Variants in C13orf46 observed in about 807,000 individuals in gnomAD.
The protein encoded by C13orf46 is chromosome 13 open reading frame 46, also known as uncharacterized protein C13orf46.
At chr13:113,948,006 G>C in the C13orf46 span, among the ~76,000 whole-genome samples, 1 of 152,254 alleles carries the variant, frequency 6.6e-6, no homozygotes, top group African/African-American at 2.4e-5. Context: ...GCCCATCGGG[G>C]CCATGGAGCG....
chr13:113,935,507 C>G, the C13orf46 span, among the ~76,000 whole-genome samples: 1 of 152,256 alleles, frequency 6.6e-6, no homozygotes, highest in Middle Eastern at 3.2e-3. Context: ...TTCTACCAAC[C>G]CTGGCTTTTG....
the C13orf46 span, chr13:113,928,564 C>CTCGGGA: frequency 0.21 from 32,804 of 152,636 alleles, 4,102 homozygotes; most frequent in African/African-American, 0.34. Flanking sequence ...CACACCCCAC[C>CTCGGGA]CTCGCTGCAT....
At chr13:113,945,745 C>T in the C13orf46 span, among the ~76,000 whole-genome samples, 271 of 152,304 alleles carry the variant, frequency 1.8e-3, 3 homozygotes, top group Admixed American at 0.015. Flanking sequence ...CTCTAGTAAA[C>T]GAAAATGTAG....
the C13orf46 span, among the ~76,000 whole-genome samples, chr13:113,940,303 C>T: frequency 1.1e-4 from 17 of 152,394 alleles, no homozygotes; most frequent in Middle Eastern, 3.4e-3. Context: ...GCCCCCCACC[C>T]CCAGATGAGC....
chr13:113,965,557 A>G (rs2052626993), intron 5 of C13orf46, among the ~76,000 whole-genome samples: 1 of 152,058 alleles, frequency 6.6e-6, no homozygotes, highest in South Asian at 2.1e-4. Context: ...GTTGATGGTG[A>G]TGACGATGGT....
chr13:113,934,803 C>T, the C13orf46 span, among the ~76,000 whole-genome samples: 1 of 152,240 alleles, frequency 6.6e-6, no homozygotes, highest in African/African-American at 2.4e-5. Flanking sequence ...GGGAACTCCG[C>T]CAGCACCTCT....
chr13:113,966,114 GTGA>G (rs1339411229), intron 5 of C13orf46, among the ~76,000 whole-genome samples: 4 of 58,912 alleles, frequency 6.8e-5, no homozygotes, highest in Non-Finnish European at 1.2e-4. Context: ...GATGATGATG[GTGA>G]TGATGGTGAT....
At chr13:113,971,624 G>A (rs569040042) in intron 1 of C13orf46, among the ~76,000 whole-genome samples, 42 of 152,334 alleles carry the variant, frequency 2.8e-4, no homozygotes, top group Non-Finnish European at 5.7e-4. Context: ...CACCCCACTG[G>A]TGCCCCCGTG....
At chr13:113,972,679 C>T (rs993815628) in intron 1 of C13orf46, among the ~76,000 whole-genome samples, 11 of 152,348 alleles carry the variant, frequency 7.2e-5, no homozygotes, top group East Asian at 1.9e-4. Context: ...GCAGCCTACA[C>T]GTTTCGCGGT....
intron 1 of C13orf46, among the ~76,000 whole-genome samples, chr13:113,972,714 C>T (rs1171264728): frequency 1.3e-5 from 2 of 152,216 alleles, no homozygotes; most frequent in African/African-American, 4.8e-5. Flanking sequence ...TGTCAAACAC[C>T]AGCTACGCAG....
rs980013609 is a variant in C13orf46, at chr13:113,954,210, A to G, written c.*2563T>C. ...CCCATGTGTCTCCACGGGAATAGACAGTGCACACAGCATCTCCGCCTGTGG... is the reference window on the plus strand; with the variant it reads ...CCCATGTGTCTCCACGGGAATAGACGGTGCACACAGCATCTCCGCCTGTGG... On this transcript the variant is annotated 3_prime_UTR_variant, in exon 7 of 7. Coordinates refer to ENST00000636427, the MANE Select transcript of C13orf46 (RefSeq NM_001365455.2). 4.6e-5 allele frequency: 7 copies of G among 152,392 alleles called. No homozygotes were observed. The highest frequency in any genetic ancestry group is 1.4e-4 in the African/African-American group (6 of 41,584). 9.4% of individuals were successfully genotyped at this position (152,392 alleles called of 1,614,324 possible). A position where few individuals can be genotyped will look rare whatever the true frequency, so the allele number is the denominator to read the frequency against.
intron 6 of C13orf46, among the ~76,000 whole-genome samples, chr13:113,964,071 G>A (rs897179141): frequency 2.0e-5 from 3 of 152,072 alleles, no homozygotes; most frequent in Admixed American, 6.5e-5. Context: ...GGATGGTCTC[G>A]ATCTCCTGAC....
chr13:113,947,482 C>G, the C13orf46 span, among the ~76,000 whole-genome samples: 10 of 152,102 alleles, frequency 6.6e-5, no homozygotes, highest in Non-Finnish European at 1.5e-4. Context: ...GACAGCTCCT[C>G]AGGAAGCAGG....
At chr13:113,963,536 C>CCGT (rs2052608548) in intron 6 of C13orf46, among the ~76,000 whole-genome samples, 1 of 132,504 alleles carries the variant, frequency 7.5e-6, no homozygotes, top group South Asian at 2.5e-4. Context: ...TCAGCCTCAC[C>CCGT]CCTGTCCTCA....
At chr13:113,938,315 C>T in the C13orf46 span, among the ~76,000 whole-genome samples, 2 of 152,204 alleles carry the variant, frequency 1.3e-5, no homozygotes, top group South Asian at 2.1e-4. Flanking sequence ...AATGTATTAT[C>T]TTACAGTCCT....
At chr13:113,968,024 G>A (rs1007753101) in intron 4 of C13orf46, among the ~76,000 whole-genome samples, 18 of 152,180 alleles carry the variant, frequency 1.2e-4, no homozygotes, top group Admixed American at 7.2e-4. Context: ...AGCAAGGCCC[G>A]CCTGGCAAGC....
chr13:113,926,539 T>C, the C13orf46 span: 129 of 152,364 alleles, frequency 8.5e-4, 1 homozygote, highest in African/African-American at 3.0e-3. Context: ...ATTCCTTTTA[T>C]ATGAAATATC....
At chr13:113,966,350 ACGG>A (rs2052647492) in intron 5 of C13orf46, among the ~76,000 whole-genome samples, 4 of 142,080 alleles carry the variant, frequency 2.8e-5, no homozygotes, top group Admixed American at 7.1e-5. Context: ...TGTGATAATG[ACGG>A]TGATGATATT....
chr13:113,934,601 A>G, the C13orf46 span, among the ~76,000 whole-genome samples: 2 of 152,272 alleles, frequency 1.3e-5, no homozygotes, highest in Non-Finnish European at 2.9e-5. Context: ...GCTGTGGGCT[A>G]ATTGGCTACG....
Sources: gnomAD v4.1 joint callset for allele counts (sites outside exome capture counted in the v4.1 genomes callset) on GRCh38, gnomAD v4.1.1 for gene constraint, MANE v1.5 for transcripts, NCBI Gene and HGNC (gene_info 2026-07-23, HGNC 2026-07-21) for gene names.